CYLC1: variants seen among roughly 807,000 people sequenced by gnomAD.
The protein encoded by CYLC1 is cylicin 1.
Under a neutral mutation model 31.6 loss-of-function variants are expected in CYLC1, and 2 were observed. The observed-to-expected ratio is 0.06, with a 90% CI of 0.03 to 0.20. The LOEUF (loss-of-function observed/expected upper bound fraction) is 0.20. Ranked by LOEUF, CYLC1 falls within the 10% of genes least tolerant of loss-of-function variation. The probability of loss-of-function intolerance (pLI) is 1.00; values close to 1 mark genes in which losing one functional copy is unlikely to be tolerated. For synonymous variants in CYLC1, 185 were observed against 153.0 expected (o/e 1.21, Z -1.54); for missense variants, 595 against 424.1 (o/e 1.40, Z -3.54).
chrX:83,883,103 C>T lies in CYLC1; in HGVS notation c.1924-3449C>T, dbSNP rs139302120. On this transcript the variant is annotated intron_variant, in intron 4 of 4. Coordinates refer to ENST00000329312, the MANE Select transcript of CYLC1 (RefSeq NM_021118.3). ...CTGCCTTATGCCTTCATTTATATTG[C>T]CCCTCTTTTTTCTTGCAATTGGTTT... Among the ~76,000 whole-genome samples, 42 of 110,993 alleles carry T rather than the reference C, an allele frequency of 3.8e-4. 2 individuals carry two copies. In the East Asian group the frequency reaches 0.012, roughly 31 times the overall value.
intron 3 of CYLC1, among the ~76,000 whole-genome samples, chrX:83,871,792 T>G (rs1444611970): frequency 9.0e-6 from 1 of 110,757 alleles, no homozygotes; most frequent in South Asian, 3.7e-4. Context: ...CTGGAGAACC[T>G]AATACTGCAC....
chrX:83,865,716 C>G (rs745472425), intron 1 of CYLC1, among the ~76,000 whole-genome samples: 4 of 111,265 alleles, frequency 3.6e-5, no homozygotes, highest in African/African-American at 1.3e-4. Flanking sequence ...TCATTCTAAT[C>G]TCTGCAATGT....
Position 83,874,078 on chromosome X carries a change from G to T in CYLC1, c.1370G>T (p.Gly457Val), listed in dbSNP as rs186700813. Residue 457 changes from glycine (G) to valine (V), a missense_variant, in exon 4 of 5, where the codon GGT becomes GTT. By Grantham distance (109) the Gly-to-Val change is moderately radical. Transcript: ENST00000329312. ...GAACCGAAGGGAGATTCAAAAAAGG[G>T]TAAAAAGGATGAAAAGAAGGGGAAG... Reference protein sequence around the residue: ...DSEPKGDSKKGKKDEKKGKKD... With the variant: ...DSEPKGDSKKVKKDEKKGKKD... The T allele has an allele frequency of 4.2e-6, 5 of 1,201,611 alleles. No individual in the cohort carries two copies. Among genetic ancestry groups the T allele is most frequent in the Non-Finnish European group, 2.2e-6 (2 of 890,850 alleles).
chrX:83,886,620 T>C lies in CYLC1; in HGVS notation c.*36T>C. Reference sequence around the variant, plus strand: ...AGCACTTGGTTTCACAGAATGGCCTTACCACAGTAAGCACCACCTACTCTC... The same window carrying C: ...AGCACTTGGTTTCACAGAATGGCCTCACCACAGTAAGCACCACCTACTCTC... On this transcript the variant is annotated 3_prime_UTR_variant, in exon 5 of 5. Transcript: ENST00000329312. The C allele has an allele frequency of 8.8e-7, 1 of 1,137,676 alleles. No individual in the cohort carries two copies. The highest frequency in any genetic ancestry group is 1.8e-5 in the South Asian group (1 of 54,491). The allele number at this position is 1,137,676 out of a possible 1,213,427, so 93.8% of individuals were successfully genotyped here.
At chrX:83,869,374 C>A (rs1481143557) in intron 1 of CYLC1, among the ~76,000 whole-genome samples, 1 of 110,191 alleles carries the variant, frequency 9.1e-6, no homozygotes, top group African/African-American at 3.3e-5. Flanking sequence ...TCCCACCCTC[C>A]ACCCTCTGAT....
In CYLC1 at chrX:83,873,290, T is replaced by A. The variant is rs373516614; in HGVS notation, c.582T>A (p.Asn194Lys). 8.3e-7 allele frequency: 1 copy of A among 1,201,553 alleles called. No individual in the cohort carries two copies. Among genetic ancestry groups the A allele is most frequent in the South Asian group, 1.8e-5 (1 of 54,991 alleles). Reference protein sequence around the residue: ...ESQNSKTVSKNCSQKDKKDSK... With the variant: ...ESQNSKTVSKKCSQKDKKDSK... The stretch of plus-strand genomic sequence containing the variant: ...AAAATTCTAAGACAGTCTCAAAAAA[T>A]TGTTCACAAAAAGATAAGAAAGATT... The change falls in exon 4 of 5, where the codon AAT (asparagine) becomes AAA (lysine). Residue 194 changes from asparagine (N) to lysine (K), a missense_variant. Asn to Lys is a moderately conservative substitution (Grantham distance 94). Coordinates refer to ENST00000329312, the MANE Select transcript of CYLC1 (RefSeq NM_021118.3).
chrX:83,872,214 T>C (rs918199380), intron 3 of CYLC1, among the ~76,000 whole-genome samples: 5 of 111,407 alleles, frequency 4.5e-5, no homozygotes, highest in African/African-American at 1.6e-4. Context: ...GAAGTAATTT[T>C]AAAATCAGTC....
At chrX:83,877,610 T>G (rs2031788385) in intron 4 of CYLC1, among the ~76,000 whole-genome samples, 1 of 107,939 alleles carries the variant, frequency 9.3e-6, no homozygotes, top group South Asian at 4.0e-4. Flanking sequence ...GGAATATTCC[T>G]CCCACAGATC....
chrX:83,870,007 C>T, intron 2 of CYLC1, 102 bp downstream of exon 2: 1 of 436,642 alleles, frequency 2.3e-6, no homozygotes, highest in Non-Finnish European at 3.2e-6. Flanking sequence ...GCAGAAACTG[C>T]TATGAATTTT....
chrX:83,881,968 T>C (rs952396952), intron 4 of CYLC1, among the ~76,000 whole-genome samples: 56 of 110,723 alleles, frequency 5.1e-4, no homozygotes, highest in African/African-American at 1.8e-3. Context: ...AGTGCTGGGA[T>C]TACAGGCGTG....
intron 2 of CYLC1, among the ~76,000 whole-genome samples, chrX:83,870,442 G>A (rs187770927): frequency 1.8e-5 from 2 of 111,416 alleles, no homozygotes; most frequent in Admixed American, 9.6e-5. Flanking sequence ...AAGTACCTGT[G>A]TTCAAATCAA....
chrX:83,875,930 G>C (rs1272809301), intron 4 of CYLC1, among the ~76,000 whole-genome samples: 2 of 109,968 alleles, frequency 1.8e-5, no homozygotes, highest in Non-Finnish European at 3.8e-5. Context: ...GCTAGTTCTT[G>C]ACCCTAAACT....
chrX:83,865,335 A>G (rs2031577954), intron 1 of CYLC1, among the ~76,000 whole-genome samples: 1 of 111,287 alleles, frequency 9.0e-6, no homozygotes, highest in Non-Finnish European at 1.9e-5. Context: ...CTAGCAGTGA[A>G]CATCCAGTAC....
Position 83,872,992 on chromosome X carries a change from G to A in CYLC1, c.284G>A (p.Arg95Lys). Residue 95 changes from arginine (R) to lysine (K), a missense_variant, in exon 4 of 5, where the codon AGG becomes AAG. Coordinates refer to ENST00000329312, the MANE Select transcript of CYLC1 (RefSeq NM_021118.3). ...LQWPPIYTAA[R>K]EQTPFRHLYT... ...TGGCCACCCATTTACACAGCTGCCAGGGAACAGACTCCATTCAGACATCTT... is the reference window on the plus strand; with the variant it reads ...TGGCCACCCATTTACACAGCTGCCAAGGAACAGACTCCATTCAGACATCTT... 8.3e-7 allele frequency: 1 copy of A among 1,205,736 alleles called. No homozygotes were observed. The highest frequency in any genetic ancestry group is 1.1e-6 in the Non-Finnish European group (1 of 892,591).
intron 1 of CYLC1, among the ~76,000 whole-genome samples, chrX:83,862,542 CAAAAA>C (rs1397587459): frequency 1.9e-5 from 2 of 106,386 alleles, no homozygotes; most frequent in Non-Finnish European, 3.9e-5. Flanking sequence ...GACTCCGTCT[CAAAAA>C]AAAAGAAAAG....
chrX:83,871,087 G>A (rs1380003590), intron 2 of CYLC1, among the ~76,000 whole-genome samples: 3 of 104,869 alleles, frequency 2.9e-5, no homozygotes, highest in African/African-American at 3.4e-5. Flanking sequence ...GTGACATAAA[G>A]AAAAAAAAAC....
chrX:83,867,840 T>C (rs529475615), intron 1 of CYLC1, among the ~76,000 whole-genome samples: 3 of 111,748 alleles, frequency 2.7e-5, no homozygotes, highest in Admixed American at 1.9e-4. Flanking sequence ...TAAGATAACA[T>C]GCAAAGGTCC....
intron 4 of CYLC1, among the ~76,000 whole-genome samples, chrX:83,879,212 A>G (rs1227389255): frequency 9.1e-6 from 1 of 110,481 alleles, no homozygotes; most frequent in Non-Finnish European, 1.9e-5. Flanking sequence ...AAATACGTAA[A>G]GAAAAGCTAA....
chrX:83,874,742 T>G, intron 4 of CYLC1, 111 bp downstream of exon 4: 1 of 850,952 alleles, frequency 1.2e-6, no homozygotes, highest in Non-Finnish European at 1.6e-6. Flanking sequence ...ACTAGAATAT[T>G]GACAACTTTG....
Sources: gnomAD v4.1 joint callset for allele counts (sites outside exome capture counted in the v4.1 genomes callset) on GRCh38, gnomAD v4.1.1 for gene constraint, MANE v1.5 for transcripts, NCBI Gene and HGNC (gene_info 2026-07-23, HGNC 2026-07-21) for gene names.